Variants in NUMB observed in about 807,000 individuals in gnomAD.
The protein encoded by NUMB is protein numb homolog.
A neutral mutation model predicts 59.7 loss-of-function variants in NUMB; 29 were observed. The ratio of observed to expected loss-of-function variants is 0.49; its 90% CI spans 0.36 to 0.66. NUMB has a LOEUF of 0.66. Ranked by LOEUF, NUMB falls within the 30% of genes least tolerant of loss-of-function variation. The pLI is 0.00. For missense variants in NUMB, 723 were observed against 822.0 expected, an observed-to-expected ratio of 0.88 and a Z score of 1.47; for synonymous variants, 288 against 288.2, an observed-to-expected ratio of 1.00 and a Z score of 0.01.
At chr14:73,377,055 G>A (rs1376716683) in intron 2 of NUMB, among the ~76,000 whole-genome samples, 1 of 152,120 alleles carries the variant, frequency 6.6e-6, no homozygotes, top group Non-Finnish European at 1.5e-5. Flanking sequence ...CTTAGATATA[G>A]ACCTTAACAT....
intron 1 of NUMB, among the ~76,000 whole-genome samples, chr14:73,421,774 T>C (rs1466744008): frequency 6.6e-6 from 1 of 152,096 alleles, no homozygotes; most frequent in East Asian, 1.9e-4. Context: ...TCCTGGAAAA[T>C]TCGGTGTCTA....
At chr14:73,354,681 A>T (rs952457986) in intron 4 of NUMB, among the ~76,000 whole-genome samples, 1 of 151,588 alleles carries the variant, frequency 6.6e-6, no homozygotes, top group African/African-American at 2.4e-5. Flanking sequence ...TACAAAAATT[A>T]GCCGGGCATG....
Position 73,316,433 on chromosome 14 carries a change from A to G in NUMB, c.202-11T>C. ...GAAGAACTTCCTTTCCTGGAGGAAC[A>G]GGGGGACAAGTCGAGTGCTATTATT... On this transcript the variant is annotated splice_polypyrimidine_tract_variant and intron_variant, in intron 5 of 12. Coordinates refer to ENST00000555238, the MANE Select transcript of NUMB (RefSeq NM_001005743.2). The G allele has an allele frequency of 6.2e-7, 1 of 1,613,250 alleles. No individual in the cohort carries two copies.
At chr14:73,382,333 G>T (rs1895286068) in intron 2 of NUMB, among the ~76,000 whole-genome samples, 1 of 151,922 alleles carries the variant, frequency 6.6e-6, no homozygotes, top group South Asian at 2.1e-4. Flanking sequence ...TTTTAGTAGA[G>T]ACAGGGTTTT....
chr14:73,360,999 G>C (rs10145708), intron 3 of NUMB, among the ~76,000 whole-genome samples: 121,782 of 152,016 alleles, frequency 0.8, 49,339 homozygotes, highest in African/African-American at 0.92. Flanking sequence ...AGCGATCCTC[G>C]CATCTCAGCC....
rs370175859 is a variant in NUMB, at chr14:73,388,873, G to A, written c.-101+21064C>T. On this transcript the variant is annotated intron_variant, in intron 2 of 12. Coordinates refer to ENST00000555238, the MANE Select transcript of NUMB (RefSeq NM_001005743.2). ...AGCACTTTAGGAGGCCGAGGTGGGCGGATCACGAGGTCAGGAGATCAAGAC... is the reference window on the plus strand; with the variant it reads ...AGCACTTTAGGAGGCCGAGGTGGGCAGATCACGAGGTCAGGAGATCAAGAC... 1.8e-4 allele frequency among the ~76,000 whole-genome samples: 27 copies of A among 152,100 alleles called. No individual in the cohort carries two copies. The East Asian group carries it at 4.5e-3, about 25-fold the overall frequency.
At chr14:73,364,499 G>A (rs1345813775) in intron 3 of NUMB, among the ~76,000 whole-genome samples, 1 of 151,668 alleles carries the variant, frequency 6.6e-6, no homozygotes, top group Non-Finnish European at 1.5e-5. Context: ...GCAAGACCCT[G>A]TCTCAAATAA....
intron 1 of NUMB, among the ~76,000 whole-genome samples, chr14:73,447,466 C>T (rs767574557): frequency 1.3e-5 from 2 of 151,882 alleles, no homozygotes; most frequent in African/African-American, 2.4e-5. Flanking sequence ...CCAGCCCAGG[C>T]GACAGTGCAA....
At chr14:73,291,363 G>A (rs928137610) in intron 8 of NUMB, among the ~76,000 whole-genome samples, 1 of 151,666 alleles carries the variant, frequency 6.6e-6, no homozygotes, top group African/African-American at 2.4e-5. Flanking sequence ...TTACAGGCGT[G>A]AGCCACCGTG....
intron 3 of NUMB, among the ~76,000 whole-genome samples, chr14:73,363,448 G>A (rs1160009949): frequency 2.0e-5 from 3 of 151,918 alleles, no homozygotes; most frequent in East Asian, 1.9e-4. Context: ...CCATCACCCC[G>A]AAAAATACCA....
At chr14:73,328,696 CTTTT>C (rs1284505240) in intron 4 of NUMB, among the ~76,000 whole-genome samples, 1 of 151,692 alleles carries the variant, frequency 6.6e-6, no homozygotes, top group Non-Finnish European at 1.5e-5. Flanking sequence ...TCTTTTTTTT[CTTTT>C]TATTTGTATC....
chr14:73,299,083 A>G (rs1889954844), intron 6 of NUMB: 2 of 152,256 alleles, frequency 1.3e-5, no homozygotes, highest in Admixed American at 6.6e-5. Context: ...GGGAAGTAAC[A>G]GAGGTACTGG....
chr14:73,307,035 C>T lies in NUMB; in HGVS notation c.234+9355G>A, dbSNP rs1381566296. Among the ~76,000 whole-genome samples the T allele has an allele frequency of 3.3e-5, 5 of 152,116 alleles. No individual in the cohort carries two copies. In the East Asian group the frequency reaches 5.8e-4, roughly 18 times the overall value. ...GATAAAAATAAAGCTAGGGGTCAGG[C>T]GTGGTGGCTCACCCCTATAATCCCA... is the stretch of plus-strand genomic sequence containing the variant. On this transcript the variant is annotated intron_variant, in intron 6 of 12. Transcript: ENST00000555238.
At chr14:73,283,979 G>GA in intron 10 of NUMB, 102 bp downstream of exon 10, 1 of 1,124,154 alleles carries the variant, frequency 8.9e-7, no homozygotes, top group Non-Finnish European at 1.3e-6. Context: ...GAACCTCAGG[G>GA]AAAGAGGAAT....
chr14:73,413,955 T>TC (rs1368764614), intron 1 of NUMB, among the ~76,000 whole-genome samples: 1 of 151,470 alleles, frequency 6.6e-6, no homozygotes, highest in East Asian at 1.9e-4. Context: ...AAATGTTTTT[T>TC]CTTTTTTTTT....
chr14:73,277,237 G>C lies in NUMB; in HGVS notation c.1297C>G (p.His433Asp), dbSNP rs750356476. The part of the protein sequence containing the change: ...AASPGLFQAG[H>D]RRTPSEADRW... The stretch of plus-strand genomic sequence containing the variant: ...TCGGCCTCAGAGGGAGTACGTCTAT[G>C]ACCGGCCTGGAAGAGACCTGGAGAG... Residue 433 changes from histidine (H) to aspartate (D), a missense_variant, in exon 13 of 13, where the codon CAT becomes GAT. Around this residue, in one of 2 missense-constraint regions of NUMB, gnomAD observed 406 missense variants for 385.4 expected, o/e 1.05. Transcript: ENST00000555238. 1 of 1,613,360 alleles carries C rather than the reference G, an allele frequency of 6.2e-7. No individual in the cohort carries two copies. Among genetic ancestry groups the C allele is most frequent in the Non-Finnish European group, 8.5e-7 (1 of 1,179,562 alleles).
intron 2 of NUMB, among the ~76,000 whole-genome samples, chr14:73,405,080 A>C (rs1177505285): frequency 6.6e-6 from 1 of 152,166 alleles, no homozygotes; most frequent in African/African-American, 2.4e-5. Context: ...AAATGTTGGG[A>C]AGATTTCTCG....
chr14:73,321,534 A>G (rs4899459), intron 5 of NUMB, among the ~76,000 whole-genome samples: 121,752 of 152,162 alleles, frequency 0.8, 49,269 homozygotes, highest in African/African-American at 0.92. Flanking sequence ...TATTCTAGAT[A>G]AACCCGGAAT....
At chr14:73,343,111 G>T (rs1224444425) in intron 4 of NUMB, among the ~76,000 whole-genome samples, 5 of 151,966 alleles carry the variant, frequency 3.3e-5, no homozygotes, top group African/African-American at 1.2e-4. Flanking sequence ...TTACAAGTGT[G>T]AGCCTCTGTG....
Sources: gnomAD v4.1 joint callset for allele counts (sites outside exome capture counted in the v4.1 genomes callset) on GRCh38, gnomAD v4.1.1 for gene constraint, gnomAD v4.1.1 regional missense constraint, MANE v1.5 for transcripts, NCBI Gene and HGNC (gene_info 2026-07-23, HGNC 2026-07-21) for gene names.